Variants in ITGA1 observed in about 807,000 individuals in gnomAD.
The protein encoded by ITGA1 is integrin subunit alpha 1.
ITGA1 carries 85 observed loss-of-function variants against 145.9 expected under a neutral mutation model. That is an observed-to-expected ratio of 0.58 (90% CI 0.49 to 0.70). The LOEUF is 0.70. Ranked by LOEUF, ITGA1 falls within the 30% of genes least tolerant of loss-of-function variation. The pLI is 0.00. For synonymous variants in ITGA1, 520 were observed against 495.3 expected (o/e 1.05, Z -0.66); for missense variants, 1,351 against 1,418.7 (o/e 0.95, Z 0.77).
chr5:52,958,296 C>G lies in ITGA1; in HGVS notation c.*5845C>G, dbSNP rs1751332179. 6.6e-6 allele frequency: 1 copy of G among 152,076 alleles called. No individual in the cohort carries two copies. Among genetic ancestry groups the G allele is most frequent in the Non-Finnish European group, 1.5e-5 (1 of 67,994 alleles). The allele number at this position is 152,076 out of a possible 1,614,324, so 9.4% of individuals were successfully genotyped here. On this transcript the variant is annotated 3_prime_UTR_variant, in exon 29 of 29. Transcript: ENST00000282588. Reference sequence around the variant, plus strand: ...TTTCTCTTTTATGTCTACATCCTTACTCCTCAAAATACTTTAAGCTCACTC... The same window carrying G: ...TTTCTCTTTTATGTCTACATCCTTAGTCCTCAAAATACTTTAAGCTCACTC...
intron 15 of ITGA1, among the ~76,000 whole-genome samples, chr5:52,917,687 T>C (rs186636300): frequency 2.4e-4 from 36 of 152,030 alleles, no homozygotes; most frequent in African/African-American, 7.5e-4. Flanking sequence ...TGTGCTTTTG[T>C]ATATATGTAT....
chr5:52,822,341 G>A (rs962183283), intron 1 of ITGA1, among the ~76,000 whole-genome samples: 3 of 152,158 alleles, frequency 2.0e-5, no homozygotes, highest in Non-Finnish European at 2.9e-5. Context: ...TTTGAGCTTC[G>A]ATTTTACTTA....
chr5:52,910,801 T>C (rs1750497237), intron 14 of ITGA1, among the ~76,000 whole-genome samples: 1 of 144,626 alleles, frequency 6.9e-6, no homozygotes, highest in Non-Finnish European at 1.5e-5. Context: ...ATAGTATAAA[T>C]ATATAGTATA....
chr5:52,855,637 A>C (rs1040662853), intron 2 of ITGA1, among the ~76,000 whole-genome samples: 13 of 152,162 alleles, frequency 8.5e-5, no homozygotes, highest in African/African-American at 3.1e-4. Flanking sequence ...CAAATGCCAG[A>C]ATAGGATCAG....
chr5:52,902,764 C>T (rs995813258), intron 11 of ITGA1: 5 of 151,742 alleles, frequency 3.3e-5, no homozygotes, highest in South Asian at 2.1e-4. Flanking sequence ...TGGTAGAGAC[C>T]GGGTTTCATC....
At chr5:52,862,912 T>G (rs1185726557) in intron 3 of ITGA1, among the ~76,000 whole-genome samples, 1 of 152,226 alleles carries the variant, frequency 6.6e-6, no homozygotes, top group Non-Finnish European at 1.5e-5. Flanking sequence ...TTTTTTTCTT[T>G]ACATGCATAA....
intron 12 of ITGA1, among the ~76,000 whole-genome samples, chr5:52,907,793 A>G (rs567993584): frequency 6.6e-6 from 1 of 152,238 alleles, no homozygotes; most frequent in South Asian, 2.1e-4. Context: ...GCTCCAGTTG[A>G]CGGTTGCCAT....
chr5:52,872,095 C>T (rs919901306), intron 6 of ITGA1, among the ~76,000 whole-genome samples: 4 of 152,108 alleles, frequency 2.6e-5, no homozygotes, highest in Admixed American at 1.3e-4. Flanking sequence ...CTAGATTGTT[C>T]ACATCAAAAG....
intron 14 of ITGA1, among the ~76,000 whole-genome samples, chr5:52,910,678 CACTA>C (rs1750493116): frequency 6.9e-6 from 1 of 145,864 alleles, no homozygotes; most frequent in Non-Finnish European, 1.5e-5. Context: ...TATATATACA[CACTA>C]TATATACTAT....
At chr5:52,897,228 A>G (rs965568830) in intron 9 of ITGA1, among the ~76,000 whole-genome samples, 2 of 152,264 alleles carry the variant, frequency 1.3e-5, no homozygotes, top group African/African-American at 2.4e-5. Context: ...CAGGGCTGCT[A>G]ATGAACAAGA....
At chr5:52,858,693 C>T (rs548013748) in intron 2 of ITGA1, among the ~76,000 whole-genome samples, 119 of 152,144 alleles carry the variant, frequency 7.8e-4, no homozygotes, top group African/African-American at 2.8e-3. Flanking sequence ...AAAAAATAAT[C>T]GTAACCTCAT....
chr5:52,853,985 C>T (rs569365010), intron 2 of ITGA1, among the ~76,000 whole-genome samples: 7 of 152,284 alleles, frequency 4.6e-5, no homozygotes, highest in African/African-American at 7.2e-5. Context: ...GGGCTTTCCA[C>T]TCTAATCTGT....
At chr5:52,836,042 A>G (rs1312351176) in intron 1 of ITGA1, among the ~76,000 whole-genome samples, 7 of 152,174 alleles carry the variant, frequency 4.6e-5, no homozygotes, top group Non-Finnish European at 1.5e-5. Flanking sequence ...TTGCATGCTG[A>G]CCAATCCTAA....
intron 6 of ITGA1, among the ~76,000 whole-genome samples, chr5:52,872,031 A>T (rs1398251900): frequency 6.6e-6 from 1 of 152,210 alleles, no homozygotes; most frequent in Non-Finnish European, 1.5e-5. Flanking sequence ...CCTAAATAAA[A>T]CCAGTAAATT....
At position 52,932,073 on chromosome 5, in the gene ITGA1, T is replaced by C. The variant is rs777408924; in HGVS notation, c.2798T>C (p.Leu933Pro). Residue 933 changes from leucine to proline, a missense_variant, in exon 22 of 29, where the codon CTT becomes CCT. Physicochemically the swap from Leu to Pro is moderately conservative, Grantham distance 98. Transcript: ENST00000282588. ...GACAGCGAAGAACCTCCTGAAACCCTTTCTGATAATGTAGTAAACATTTCT... is the reference window on the plus strand; with the variant it reads ...GACAGCGAAGAACCTCCTGAAACCCCTTCTGATAATGTAGTAAACATTTCT... ...TSDSEEPPET[L>P]SDNVVNISIP... The C allele has an allele frequency of 5.6e-6, 9 of 1,610,198 alleles. No individual in the cohort carries two copies. The Admixed American group carries it at 1.0e-4, about 18-fold the overall frequency.
chr5:52,845,350 T>C (rs1554043014), intron 1 of ITGA1, among the ~76,000 whole-genome samples: 1 of 152,180 alleles, frequency 6.6e-6, no homozygotes, highest in Non-Finnish European at 1.5e-5. Context: ...GTATTGACAT[T>C]ATGAAAAAGA....
At chr5:52,860,740 G>T (rs1405830504) in intron 2 of ITGA1, among the ~76,000 whole-genome samples, 2 of 152,102 alleles carry the variant, frequency 1.3e-5, no homozygotes, top group African/African-American at 4.8e-5. Context: ...TAGTTCATCC[G>T]ATTCCTGAAG....
At chr5:52,910,739 T>A (rs1412001281) in intron 14 of ITGA1, among the ~76,000 whole-genome samples, 1 of 146,552 alleles carries the variant, frequency 6.8e-6, no homozygotes, top group Non-Finnish European at 1.5e-5. Context: ...GTATATAGTA[T>A]GTATAGTGTT....
intron 19 of ITGA1, 137 bp from the exon 20 acceptor site, chr5:52,927,447 T>G: frequency 1.7e-6 from 1 of 598,556 alleles, no homozygotes; most frequent in South Asian, 2.3e-5. Flanking sequence ...CCCAGAATTC[T>G]GTGCCTCTTC....
Sources: gnomAD v4.1 joint callset for allele counts (sites outside exome capture counted in the v4.1 genomes callset) on GRCh38, gnomAD v4.1.1 for gene constraint, MANE v1.5 for transcripts, NCBI Gene and HGNC (gene_info 2026-07-23, HGNC 2026-07-21) for gene names.